The following C1orf105 variants were observed in gnomAD, a reference collection of about 807,000 sequenced individuals.
C1orf105 encodes uncharacterized protein C1orf105.
In C1orf105, 17 loss-of-function variants were observed where a neutral mutation model predicts 20.8. The ratio of observed to expected loss-of-function variants is 0.82; its 90% CI spans 0.56 to 1.23. The LOEUF is 1.23. Ranked by LOEUF, C1orf105 falls within the 50% of genes most tolerant of loss-of-function variation. The probability of loss-of-function intolerance (pLI) is 0.00; values close to 1 mark genes in which losing one functional copy is unlikely to be tolerated. For synonymous variants in C1orf105, 72 were observed against 72.1 expected, an observed-to-expected ratio of 1.00 and a Z score of 0.01; for missense variants, 219 against 213.5, an observed-to-expected ratio of 1.03 and a Z score of -0.16.
intron 1 of C1orf105, among the ~76,000 whole-genome samples, chr1:172,425,592 G>A (rs1246755560): frequency 6.6e-6 from 1 of 152,140 alleles, no homozygotes; most frequent in Admixed American, 6.5e-5. Flanking sequence ...ACCTTCCACA[G>A]AATGTTGGTC....
At chr1:172,425,673 C>G (rs563021000) in intron 1 of C1orf105, among the ~76,000 whole-genome samples, 1 of 152,288 alleles carries the variant, frequency 6.6e-6, no homozygotes, top group South Asian at 2.1e-4. Context: ...TACAATGACA[C>G]TGCTTGCTAT....
intron 1 of C1orf105, chr1:172,442,621 A>C: frequency 6.2e-7 from 1 of 1,605,492 alleles, no homozygotes. Context: ...TTGAGCATAC[A>C]TTATCCTTTC....
chr1:172,448,339 A>G (rs1648242305), intron 2 of C1orf105, 102 bp from the exon 3 acceptor site: 1 of 749,716 alleles, frequency 1.3e-6, no homozygotes, highest in Middle Eastern at 2.4e-4. Flanking sequence ...AGTGGAAGAT[A>G]GCTCCCTGTG....
intron 1 of C1orf105, among the ~76,000 whole-genome samples, chr1:172,439,922 G>T (rs1373232300): frequency 6.6e-6 from 1 of 152,170 alleles, no homozygotes; most frequent in African/African-American, 2.4e-5. Flanking sequence ...GATGCTTTGG[G>T]CTTCAGAGGT....
intron 6 of C1orf105, among the ~76,000 whole-genome samples, chr1:172,467,593 G>T (rs1650155904): frequency 6.6e-6 from 1 of 152,128 alleles, no homozygotes; most frequent in African/African-American, 2.4e-5. Flanking sequence ...GAATGTCTGG[G>T]TTCTGGTTCT....
chr1:172,448,905 T>C (rs1158555561), intron 3 of C1orf105, among the ~76,000 whole-genome samples: 1 of 152,126 alleles, frequency 6.6e-6, no homozygotes, highest in Non-Finnish European at 1.5e-5. Context: ...TCCCTACACC[T>C]GTGGAATTTT....
intron 5 of C1orf105, 43 bp downstream of exon 5, chr1:172,462,288 A>C: frequency 1.4e-6 from 2 of 1,423,244 alleles, no homozygotes; most frequent in Non-Finnish European, 2.0e-6. Flanking sequence ...AATTCTTGTT[A>C]TGTCTGAGGA....
chr1:172,423,379 C>G (rs2149154740), intron 1 of C1orf105, among the ~76,000 whole-genome samples: 1 of 152,198 alleles, frequency 6.6e-6, no homozygotes, highest in African/African-American at 2.4e-5. Flanking sequence ...TATCTAGGAC[C>G]ACCAAGGTGG....
intron 3 of C1orf105, among the ~76,000 whole-genome samples, chr1:172,452,471 G>T (rs1000467168): frequency 2.0e-5 from 3 of 152,196 alleles, no homozygotes; most frequent in Admixed American, 2.0e-4. Flanking sequence ...TCACAAGCTG[G>T]TGCTTACATT....
chr1:172,441,745 G>A, intron 1 of C1orf105: 1 of 1,554,168 alleles, frequency 6.4e-7, no homozygotes, highest in Non-Finnish European at 8.7e-7. Context: ...GAGGAACCTG[G>A]ACAAGTCTTC....
chr1:172,432,040 G>C (rs1437478954), intron 1 of C1orf105, among the ~76,000 whole-genome samples: 1 of 152,218 alleles, frequency 6.6e-6, no homozygotes, highest in Non-Finnish European at 1.5e-5. Flanking sequence ...CTGGGGGAGG[G>C]GCGTCCTCCA....
chr1:172,433,489 T>C (rs1179396405), intron 1 of C1orf105, among the ~76,000 whole-genome samples: 1 of 152,196 alleles, frequency 6.6e-6, no homozygotes, highest in South Asian at 2.1e-4. Flanking sequence ...CAGAACTTCA[T>C]ATCCAGCCAA....
At chr1:172,431,415 C>T (rs1056136240) in intron 1 of C1orf105, 8 of 229,898 alleles carry the variant, frequency 3.5e-5, no homozygotes, top group African/African-American at 9.0e-5. Context: ...CACAACAAGG[C>T]GCTAACTCTT....
chr1:172,458,535 G>T (rs74126245), intron 4 of C1orf105, among the ~76,000 whole-genome samples: 2,382 of 152,074 alleles, frequency 0.016, 71 homozygotes, highest in African/African-American at 0.054. Context: ...AAAACATTGT[G>T]GAAAGAAAAT....
At chr1:172,436,435 C>T (rs1232003187) in intron 1 of C1orf105, among the ~76,000 whole-genome samples, 1 of 152,152 alleles carries the variant, frequency 6.6e-6, no homozygotes, top group African/African-American at 2.4e-5. Flanking sequence ...AGAAATAACA[C>T]CACACATCTA....
At chr1:172,421,928 C>G (rs1471738858) in intron 1 of C1orf105, among the ~76,000 whole-genome samples, 1 of 152,134 alleles carries the variant, frequency 6.6e-6, no homozygotes, top group Non-Finnish European at 1.5e-5. Context: ...AATGGAGGGA[C>G]CATTTAGACC....
At chr1:172,449,440 C>A (rs371699793) in intron 3 of C1orf105, among the ~76,000 whole-genome samples, 1 of 152,076 alleles carries the variant, frequency 6.6e-6, no homozygotes, top group African/African-American at 2.4e-5. Context: ...GGCATCTGCA[C>A]TGGACCTAGA....
chr1:172,467,370 A>G (rs1247084742), intron 6 of C1orf105, among the ~76,000 whole-genome samples: 1 of 152,200 alleles, frequency 6.6e-6, no homozygotes, highest in East Asian at 1.9e-4. Context: ...CATATTATCA[A>G]TAATTCTTAA....
intron 1 of C1orf105, among the ~76,000 whole-genome samples, chr1:172,426,458 C>T (rs1029130101): frequency 6.6e-6 from 1 of 152,160 alleles, no homozygotes; most frequent in Non-Finnish European, 1.5e-5. Context: ...TTCAATGTCA[C>T]TCCCTCCAGT....
Sources: gnomAD v4.1 joint callset for allele counts (sites outside exome capture counted in the v4.1 genomes callset) on GRCh38, gnomAD v4.1.1 for gene constraint, MANE v1.5 for transcripts, NCBI Gene and HGNC (gene_info 2026-07-23, HGNC 2026-07-21) for gene names.